HELB: variants seen among roughly 807,000 people sequenced by gnomAD.
HELB encodes the protein DNA 5'-3' helicase B.
In HELB, 96 loss-of-function variants were observed where a neutral mutation model predicts 101.7. The ratio of observed to expected loss-of-function variants is 0.94; its 90% CI spans 0.80 to 1.12. The LOEUF is 1.12. Among genes scored for constraint, HELB ranks in the 50% most tolerant of loss-of-function variants. The pLI, the probability that HELB is intolerant of heterozygous loss-of-function variation, is 0.00. For missense variants in HELB, 1,210 were observed against 1,291.9 expected, an observed-to-expected ratio of 0.94 and a Z score of 0.97; for synonymous variants, 437 against 459.7, an observed-to-expected ratio of 0.95 and a Z score of 0.63.
intron 6 of HELB, among the ~76,000 whole-genome samples, chr12:66,316,734 A>T (rs1002765637): frequency 6.6e-6 from 1 of 151,890 alleles, no homozygotes; most frequent in Non-Finnish European, 1.5e-5. Flanking sequence ...AAATACAGAC[A>T]TTAGGCCAGG....
chr12:66,313,115 A>C (rs1414104443), intron 4 of HELB, among the ~76,000 whole-genome samples: 2 of 152,210 alleles, frequency 1.3e-5, no homozygotes, highest in African/African-American at 4.8e-5. Context: ...TACTGTGAGC[A>C]TAGGGGGTTT....
At chr12:66,305,792 A>G (rs976143308) in intron 2 of HELB, among the ~76,000 whole-genome samples, 1 of 152,118 alleles carries the variant, frequency 6.6e-6, no homozygotes, top group Admixed American at 6.5e-5. Context: ...TTAAAGAGGT[A>G]GAGAAGAACG....
chr12:66,323,719 G>A (rs977209738), intron 9 of HELB, among the ~76,000 whole-genome samples: 7 of 152,158 alleles, frequency 4.6e-5, no homozygotes, highest in African/African-American at 1.7e-4. Flanking sequence ...AGAGACATCA[G>A]CATTTAAGCC....
chr12:66,311,102 A>C (rs2053539635), intron 4 of HELB, among the ~76,000 whole-genome samples: 1 of 151,836 alleles, frequency 6.6e-6, no homozygotes, highest in African/African-American at 2.4e-5. Flanking sequence ...ATGAGAAAGG[A>C]GCTAATGGTA....
chr12:66,302,842 T>G, intron 1 of HELB, 52 bp downstream of exon 1: 1 of 1,488,720 alleles, frequency 6.7e-7, no homozygotes, highest in Non-Finnish European at 9.1e-7. Context: ...AAAGTAGCGC[T>G]TCCCATTCTG....
intron 8 of HELB, among the ~76,000 whole-genome samples, chr12:66,322,417 T>G (rs1467206451): frequency 6.6e-6 from 1 of 151,136 alleles, no homozygotes; most frequent in African/African-American, 2.4e-5. Context: ...ATACAAAAAT[T>G]AGCCAGGCGT....
rs146952866 is a variant in HELB at position 66,334,275 on chromosome 12, A to G, written c.3162+2630A>G. Among the ~76,000 whole-genome samples, 265 of 152,224 alleles carry G rather than the reference A, an allele frequency of 1.7e-3. 1 individual carries two copies. The Middle Eastern group carries it at 0.027, about 16-fold the overall frequency. On this transcript the variant is annotated intron_variant, in intron 12 of 12. Coordinates refer to ENST00000247815, the MANE Select transcript of HELB (RefSeq NM_001370285.1). ...CAGGAGTTTGAGACTAACCTGGGCAATATAGTGAGATTCCATCTCTACAAA... is the reference window on the plus strand; with the variant it reads ...CAGGAGTTTGAGACTAACCTGGGCAGTATAGTGAGATTCCATCTCTACAAA...
At chr12:66,331,746 G>A (rs917081555) in intron 12 of HELB, 101 bp downstream of exon 12, 4 of 1,138,288 alleles carry the variant, frequency 3.5e-6, no homozygotes, top group African/African-American at 1.5e-5. Flanking sequence ...GCATTGTGCT[G>A]TTGGACTTAA....
At position 66,331,765 on chromosome 12, in the gene HELB, G is replaced by A. The variant is rs1451369738; in HGVS notation, c.3162+120G>A. ...TGTGCTGTTGGACTTAAAAACAATT[G>A]TTTTTCTCATTTCTGTCAAATTTCC... On this transcript the variant is annotated intron_variant, in intron 12 of 12. Coordinates refer to ENST00000247815, the MANE Select transcript of HELB (RefSeq NM_001370285.1). The A allele has an allele frequency of 5.0e-6, 5 of 996,306 alleles. No homozygotes were observed. The East Asian group carries it at 9.7e-5, about 19-fold the overall frequency. 61.7% of individuals were successfully genotyped at this position (996,306 alleles called of 1,614,324 possible). A position where few individuals can be genotyped will look rare whatever the true frequency, so the allele number is the denominator to read the frequency against.
chr12:66,336,656 G>A (rs1565646109), intron 12 of HELB, among the ~76,000 whole-genome samples: 1 of 152,168 alleles, frequency 6.6e-6, no homozygotes, highest in Non-Finnish European at 1.5e-5. Flanking sequence ...CGTTCTCTAG[G>A]AGTCGGTCTG....
intron 1 of HELB, 25 bp downstream of exon 1, chr12:66,302,815 A>T: frequency 6.3e-7 from 1 of 1,579,046 alleles, no homozygotes; most frequent in Non-Finnish European, 8.6e-7. Context: ...TGCCCGGGGG[A>T]TGGGGTTGGA....
chr12:66,313,891 C>T, intron 4 of HELB, 95 bp from the exon 5 acceptor site: 1 of 1,088,146 alleles, frequency 9.2e-7, no homozygotes, highest in Non-Finnish European at 1.4e-6. Context: ...CCACCCCTGC[C>T]AATTTACGAG....
At chr12:66,315,796 T>C (rs1298606313) in intron 6 of HELB, among the ~76,000 whole-genome samples, 1 of 152,170 alleles carries the variant, frequency 6.6e-6, no homozygotes, top group Admixed American at 6.5e-5. Flanking sequence ...ATTTCACTCC[T>C]AGATGAATCC....
chr12:66,317,209 T>A (rs927034343), intron 6 of HELB, among the ~76,000 whole-genome samples: 3 of 150,244 alleles, frequency 2.0e-5, no homozygotes, highest in African/African-American at 7.3e-5. Flanking sequence ...AAAAAAAAAA[T>A]TGTAAAAAAT....
Position 66,304,892 on chromosome 12 carries a change from G to C in HELB, c.349G>C (p.Asp117His). The C allele has an allele frequency of 6.2e-7, 1 of 1,614,150 alleles. No homozygotes were observed. Among genetic ancestry groups the C allele is most frequent in the South Asian group, 1.1e-5 (1 of 91,086 alleles). ...ATTTCCGTCTTACTTTTTGCAGTCT[G>C]ATATGTCACCACCAAATCAAAAACA... ...QGFPSYFLQSDMSPPNQKHIC... is the reference protein window; with the variant it reads ...QGFPSYFLQSHMSPPNQKHIC... Residue 117 changes from aspartate (D) to histidine (H), a missense_variant, in exon 2 of 13, where the codon GAT (aspartate) becomes CAT (histidine). By Grantham distance (81) the Asp-to-His change is moderately conservative (BLOSUM62 -1). Coordinates refer to ENST00000247815, the MANE Select transcript of HELB (RefSeq NM_001370285.1).
intron 6 of HELB, 146 bp downstream of exon 6, chr12:66,315,529 T>A: frequency 2.0e-6 from 1 of 490,274 alleles, no homozygotes. Flanking sequence ...CCTTTTGCCC[T>A]ACAGTTAGAA....
intron 7 of HELB, 165 bp from the exon 8 acceptor site, chr12:66,321,783 G>C (rs966269045): frequency 5.8e-6 from 3 of 515,138 alleles, no homozygotes; most frequent in Non-Finnish European, 7.0e-6. Context: ...CTATTGCCCT[G>C]GCTGATGTGG....
At chr12:66,335,781 G>C (rs1471394684) in intron 12 of HELB, among the ~76,000 whole-genome samples, 2 of 152,136 alleles carry the variant, frequency 1.3e-5, no homozygotes, top group African/African-American at 4.8e-5. Flanking sequence ...CTTTTTCCAT[G>C]ACAACCAGAA....
At position 66,310,747 on chromosome 12, in the gene HELB, A is replaced by G. The variant is rs533599392; in HGVS notation, c.1680+139A>G. 2.0e-5 allele frequency: 15 copies of G among 744,176 alleles called. No individual in the cohort carries two copies. The African/African-American group carries it at 2.1e-4, about 10-fold the overall frequency. 46.1% of individuals were successfully genotyped at this position (744,176 alleles called of 1,614,324 possible). A position where few individuals can be genotyped will look rare whatever the true frequency, so the allele number is the denominator to read the frequency against. On this transcript the variant is annotated intron_variant, in intron 4 of 12. Transcript: ENST00000247815. ...GGAGATGGAGACCATCCTGGCTAAC[A>G]TGGTGGAACCCTGTCTCTACTAAAA...
Sources: allele counts gnomAD v4.1 joint callset (sites outside exome capture counted in the v4.1 genomes callset), GRCh38; gene constraint gnomAD v4.1.1; transcripts MANE v1.5; gene names NCBI Gene and HGNC (gene_info 2026-07-23, HGNC 2026-07-21).